The following UPP2 variants were observed in gnomAD, a reference collection of about 807,000 sequenced individuals.
UPP2 encodes the protein uridine phosphorylase 2.
UPP2 carries 23 observed loss-of-function variants against 26.7 expected under a neutral mutation model. That is an observed-to-expected ratio of 0.86 (90% CI 0.62 to 1.22). The LOEUF is 1.22. Among genes scored for constraint, UPP2 ranks in the 50% most tolerant of loss-of-function variants. The pLI is 0.00. For synonymous variants in UPP2, 127 were observed against 141.3 expected, an observed-to-expected ratio of 0.90 and a Z score of 0.72; for missense variants, 387 against 396.7, an observed-to-expected ratio of 0.98 and a Z score of 0.21.
At chr2:158,018,260 G>C (rs1683692065) in intron 3 of UPP2, among the ~76,000 whole-genome samples, 1 of 152,212 alleles carries the variant, frequency 6.6e-6, no homozygotes, top group Non-Finnish European at 1.5e-5. Context: ...AAAATATCTA[G>C]TAAGGGTGCA....
At chr2:158,057,496 G>A (rs2105175874) in intron 3 of UPP2, among the ~76,000 whole-genome samples, 1 of 152,120 alleles carries the variant, frequency 6.6e-6, no homozygotes, top group South Asian at 2.1e-4. Context: ...TTCTAGCATT[G>A]CCAGTGAAAA....
At chr2:158,046,444 T>A (rs1220277529) in intron 3 of UPP2, among the ~76,000 whole-genome samples, 2 of 152,210 alleles carry the variant, frequency 1.3e-5, no homozygotes, top group African/African-American at 4.8e-5. Context: ...AGCCAGAGAA[T>A]CTGCTTGCCC....
intron 3 of UPP2, among the ~76,000 whole-genome samples, chr2:158,080,393 T>C (rs1574279409): frequency 6.6e-6 from 1 of 152,152 alleles, no homozygotes; most frequent in Non-Finnish European, 1.5e-5. Flanking sequence ...ACTGCCTCTG[T>C]AGGTGCAATT....
chr2:158,056,288 C>T (rs79398729), intron 3 of UPP2, among the ~76,000 whole-genome samples: 2,698 of 152,034 alleles, frequency 0.018, 45 homozygotes, highest in Non-Finnish European at 0.029. Flanking sequence ...CGAGATTCCC[C>T]ATTATTAATA....
intron 2 of UPP2, among the ~76,000 whole-genome samples, chr2:158,003,963 A>C (rs1249696161): frequency 6.6e-6 from 1 of 152,184 alleles, no homozygotes; most frequent in Non-Finnish European, 1.5e-5. Context: ...TTTCAAATGG[A>C]GTATAGTACT....
intron 2 of UPP2, among the ~76,000 whole-genome samples, chr2:158,011,380 C>G (rs1683576526): frequency 6.6e-6 from 1 of 152,182 alleles, no homozygotes. Flanking sequence ...TCTTTTTCCC[C>G]TCTGCTTCTT....
chr2:158,055,673 T>C (rs1029394632), intron 3 of UPP2, among the ~76,000 whole-genome samples: 5 of 152,272 alleles, frequency 3.3e-5, no homozygotes, highest in African/African-American at 1.2e-4. Context: ...TGTGCAACTA[T>C]GATGTCAAGG....
intron 6 of UPP2, among the ~76,000 whole-genome samples, chr2:158,125,004 T>C (rs766936373): frequency 6.6e-6 from 1 of 152,054 alleles, no homozygotes; most frequent in Non-Finnish European, 1.5e-5. Context: ...TAACAAACAA[T>C]GAGTCTAGGC....
At chr2:158,067,318 A>G (rs1365823186) in intron 3 of UPP2, among the ~76,000 whole-genome samples, 2 of 151,694 alleles carry the variant, frequency 1.3e-5, no homozygotes, top group Non-Finnish European at 2.9e-5. Context: ...GCTTGTAAAA[A>G]CTTAGTGTGA....
At position 158,066,004 on chromosome 2, in the gene UPP2, C is replaced by T. The variant is rs1682428629; in HGVS notation, c.148-36036C>T. 3 of 367,754 alleles carry T rather than the reference C, an allele frequency of 8.2e-6. No individual in the cohort carries two copies. The Admixed American group carries it at 1.1e-4, about 14-fold the overall frequency. 22.8% of individuals were successfully genotyped at this position (367,754 alleles called of 1,614,324 possible). A position where few individuals can be genotyped will look rare whatever the true frequency, so the allele number is the denominator to read the frequency against. ...ACTTTTGTATTTGGAGAAGTATCAT[C>T]CTTAAAGATGTGGCTGCACTTCAAA... On this transcript the variant is annotated intron_variant, in intron 3 of 9. Coordinates refer to the UPP2 transcript ENST00000605860.
At chr2:158,079,730 A>G in intron 3 of UPP2, among the ~76,000 whole-genome samples, 1 of 152,150 alleles carries the variant, frequency 6.6e-6, no homozygotes, top group East Asian at 1.9e-4. Context: ...CTGCTCTCCA[A>G]CAATGAGTGT....
At chr2:158,123,940 G>C (rs1574308878) in intron 6 of UPP2, 45 bp downstream of exon 6, 1 of 1,595,870 alleles carries the variant, frequency 6.3e-7, no homozygotes, top group Non-Finnish European at 8.5e-7. Context: ...CCTCTTTCAT[G>C]AAGCTACTTT....
intron 2 of UPP2, among the ~76,000 whole-genome samples, chr2:158,004,960 A>T (rs1430923667): frequency 1.3e-5 from 2 of 152,192 alleles, no homozygotes; most frequent in Admixed American, 6.5e-5. Flanking sequence ...CTTGTTTTTA[A>T]GACTAAAAGA....
At chr2:158,079,757 T>C (rs183057845) in intron 3 of UPP2, among the ~76,000 whole-genome samples, 2 of 152,300 alleles carry the variant, frequency 1.3e-5, no homozygotes, top group Admixed American at 1.3e-4. Context: ...GGCAGAGTAA[T>C]GTTGAATGAG....
At chr2:157,995,524 C>T (rs1051629224) in intron 2 of UPP2, among the ~76,000 whole-genome samples, 2 of 152,038 alleles carry the variant, frequency 1.3e-5, no homozygotes, top group Non-Finnish European at 1.5e-5. Context: ...ATGTGAACAG[C>T]CCTACACTGG....
At chr2:158,076,091 C>T (rs1488190418) in intron 3 of UPP2, among the ~76,000 whole-genome samples, 3 of 151,664 alleles carry the variant, frequency 2.0e-5, no homozygotes, top group African/African-American at 7.3e-5. Context: ...TAGATAAATT[C>T]CTAGACATAT....
In UPP2 at chr2:158,135,831, C is replaced by G. The variant is rs961609766; in HGVS notation, c.*941C>G. On this transcript the variant is annotated 3_prime_UTR_variant, in exon 7 of 7. Transcript: ENST00000005756. Reference sequence around the variant, plus strand: ...AACTGATCGCATCTTGGGTTCTTCTCAATTTGACATACTTGGGAGTCGGAA... The same window carrying G: ...AACTGATCGCATCTTGGGTTCTTCTGAATTTGACATACTTGGGAGTCGGAA... 1 of 152,324 alleles carries G rather than the reference C, an allele frequency of 6.6e-6. No individual in the cohort carries two copies. The highest frequency in any genetic ancestry group is 1.5e-5 in the Non-Finnish European group (1 of 68,138). The allele number at this position is 152,324 out of a possible 1,614,324, so 9.4% of individuals were successfully genotyped here.
At chr2:158,074,582 A>G (rs1370010029) in intron 3 of UPP2, among the ~76,000 whole-genome samples, 1 of 152,046 alleles carries the variant, frequency 6.6e-6, no homozygotes, top group African/African-American at 2.4e-5. Context: ...AAAACATAGT[A>G]TAGATATACA....
chr2:157,995,273 G>A lies in UPP2; in HGVS notation c.61+14G>A, dbSNP rs368016310. The A allele has an allele frequency of 3.1e-6, 5 of 1,613,272 alleles. No homozygotes were observed. In the Admixed American group the frequency reaches 5.0e-5, roughly 16 times the overall value. On this transcript the variant is annotated intron_variant, in intron 2 of 9. Coordinates refer to the UPP2 transcript ENST00000605860. ...CAAGGCCTGAAGGTTAGTGAGGGAA[G>A]AGGAGAAATACATTCATGTCTAAGC...
Sources: allele counts gnomAD v4.1 joint callset (sites outside exome capture counted in the v4.1 genomes callset), GRCh38; gene constraint gnomAD v4.1.1; transcripts MANE v1.5; gene names NCBI Gene and HGNC (gene_info 2026-07-23, HGNC 2026-07-21).